MGLL: variants seen among roughly 807,000 people sequenced by gnomAD.
The protein encoded by MGLL is monoglyceride lipase.
A neutral mutation model predicts 29.1 loss-of-function variants in MGLL; 7 were observed. That is an observed-to-expected ratio of 0.24 (90% CI 0.14 to 0.45). The LOEUF is 0.45. MGLL is among the 20% of genes least tolerant of loss of function. MGLL has a pLI of 0.99. For missense variants in MGLL, 356 were observed against 413.6 expected (o/e 0.86, Z 1.21); for synonymous variants, 148 against 168.3 (o/e 0.88, Z 0.93).
chr3:127,767,483 G>A (rs1265720863), intron 3 of MGLL, among the ~76,000 whole-genome samples: 1 of 152,208 alleles, frequency 6.6e-6, no homozygotes, highest in African/African-American at 2.4e-5. Flanking sequence ...ACCTTAGCTT[G>A]TGAGATTCTC....
chr3:127,796,292 A>G (rs1050242252), intron 2 of MGLL, among the ~76,000 whole-genome samples: 1 of 152,190 alleles, frequency 6.6e-6, no homozygotes, highest in Non-Finnish European at 1.5e-5. Context: ...GCCACATATT[A>G]TCTTCCTACA....
At chr3:127,693,114 C>T (rs1296957889) in intron 7 of MGLL, among the ~76,000 whole-genome samples, 1 of 152,250 alleles carries the variant, frequency 6.6e-6, no homozygotes, top group Non-Finnish European at 1.5e-5. Context: ...CAGTGCGACG[C>T]TAATGGGCAT....
intron 6 of MGLL, among the ~76,000 whole-genome samples, chr3:127,708,598 G>A (rs973448835): frequency 6.6e-6 from 1 of 152,208 alleles, no homozygotes; most frequent in African/African-American, 2.4e-5. Context: ...CTTTGCCCGT[G>A]TATTTTCAGG....
At chr3:127,758,880 C>T (rs2076710214) in intron 3 of MGLL, among the ~76,000 whole-genome samples, 1 of 151,846 alleles carries the variant, frequency 6.6e-6, no homozygotes, top group East Asian at 1.9e-4. Flanking sequence ...TCTGGGGGCT[C>T]CTGGCACCTA....
intron 3 of MGLL, among the ~76,000 whole-genome samples, chr3:127,731,857 CT>C (rs1330174447): frequency 6.6e-6 from 1 of 152,228 alleles, no homozygotes; most frequent in East Asian, 1.9e-4. Context: ...ATGTTCATGT[CT>C]GTGTGTCTTA....
chr3:127,749,789 T>C (rs2076522727), intron 3 of MGLL, among the ~76,000 whole-genome samples: 1 of 152,112 alleles, frequency 6.6e-6, no homozygotes, highest in Admixed American at 6.5e-5. Flanking sequence ...TGCGTGTGTA[T>C]GTGTGTTATG....
At chr3:127,815,531 A>G (rs2077739311) in intron 2 of MGLL, among the ~76,000 whole-genome samples, 1 of 152,194 alleles carries the variant, frequency 6.6e-6, no homozygotes, top group Non-Finnish European at 1.5e-5. Flanking sequence ...CCTTGCGCCT[A>G]TATTACTATG....
intron 3 of MGLL, among the ~76,000 whole-genome samples, chr3:127,736,691 T>C (rs1247007124): frequency 1.3e-5 from 2 of 152,092 alleles, no homozygotes. Context: ...TTTATTTATT[T>C]ATTTGTGTAT....
chr3:127,781,946 C>A, intron 2 of MGLL, 51 bp from the exon 3 acceptor site: 2 of 1,563,880 alleles, frequency 1.3e-6, no homozygotes, highest in African/African-American at 1.4e-5. Flanking sequence ...CGGGGCTGGG[C>A]GCGGTGGCTC....
chr3:127,740,304 G>T (rs950349344), intron 3 of MGLL, among the ~76,000 whole-genome samples: 1 of 152,128 alleles, frequency 6.6e-6, no homozygotes, highest in African/African-American at 2.4e-5. Context: ...CAGCTGAAAC[G>T]CGGTCCTTGT....
intron 2 of MGLL, among the ~76,000 whole-genome samples, chr3:127,801,014 G>T (rs900330746): frequency 3.3e-5 from 5 of 151,532 alleles, no homozygotes; most frequent in African/African-American, 7.3e-5. Context: ...TTAAAAAGGG[G>T]TAATGAGCCA....
intron 2 of MGLL, among the ~76,000 whole-genome samples, chr3:127,814,641 C>T (rs2077723646): frequency 6.6e-6 from 1 of 152,176 alleles, no homozygotes; most frequent in South Asian, 2.1e-4. Flanking sequence ...TACTGCAAAA[C>T]AAAGCCAGAT....
intron 2 of MGLL, among the ~76,000 whole-genome samples, chr3:127,796,958 G>A (rs747628720): frequency 2.6e-5 from 4 of 151,990 alleles, no homozygotes; most frequent in Non-Finnish European, 4.4e-5. Context: ...ACATTCCCCC[G>A]GGGCGACTGC....
At chr3:127,697,720 G>A (rs1207195819) in intron 6 of MGLL, among the ~76,000 whole-genome samples, 1 of 152,214 alleles carries the variant, frequency 6.6e-6, no homozygotes, top group Admixed American at 6.5e-5. Context: ...AAGAGTCAGG[G>A]CCGTGTGGAC....
At chr3:127,789,209 G>C (rs2077262166) in intron 2 of MGLL, among the ~76,000 whole-genome samples, 1 of 152,200 alleles carries the variant, frequency 6.6e-6, no homozygotes, top group African/African-American at 2.4e-5. Context: ...GGAGGAGCTG[G>C]GTATGAGTGT....
intron 3 of MGLL, 117 bp downstream of exon 3, chr3:127,781,672 A>G: frequency 1.0e-6 from 1 of 987,972 alleles, no homozygotes; most frequent in Non-Finnish European, 1.6e-6. Context: ...TTTTACTTTG[A>G]AACATCCGTG....
At chr3:127,763,215 G>A (rs2076796845) in intron 3 of MGLL, among the ~76,000 whole-genome samples, 2 of 152,226 alleles carry the variant, frequency 1.3e-5, no homozygotes, top group Admixed American at 1.3e-4. Context: ...TGCCCCAGCA[G>A]CCAGGGGACA....
At chr3:127,780,677 T>C (rs1382366747) in intron 3 of MGLL, among the ~76,000 whole-genome samples, 7 of 152,252 alleles carry the variant, frequency 4.6e-5, no homozygotes. Flanking sequence ...CCCAGCAAGC[T>C]TTTCACCTCC....
At chr3:127,694,890 G>T in intron 7 of MGLL, 85 bp downstream of exon 7, 1 of 1,380,976 alleles carries the variant, frequency 7.2e-7, no homozygotes, top group Non-Finnish European at 1.0e-6. Context: ...GGCCCTCGAG[G>T]GTCTGGGCAG....
Sources: gnomAD v4.1 joint callset for allele counts (sites outside exome capture counted in the v4.1 genomes callset) on GRCh38, gnomAD v4.1.1 for gene constraint, MANE v1.5 for transcripts, NCBI Gene and HGNC (gene_info 2026-07-23, HGNC 2026-07-21) for gene names.